The following KCNMA1 variants were observed in gnomAD, a reference collection of about 807,000 sequenced individuals.
KCNMA1 encodes the protein potassium calcium-activated channel subfamily M alpha 1.
A neutral mutation model predicts 140.0 loss-of-function variants in KCNMA1; 29 were observed. The observed-to-expected ratio is 0.21, with a 90% CI of 0.15 to 0.28. The LOEUF is 0.28. Ranked by LOEUF, KCNMA1 falls within the 10% of genes least tolerant of loss-of-function variation. The pLI is 1.00. For synonymous variants in KCNMA1, 612 were observed against 611.9 expected, an observed-to-expected ratio of 1.00 and a Z score of 0.00; for missense variants, 880 against 1,602.2, an observed-to-expected ratio of 0.55 and a Z score of 7.70.
chr10:77,221,509 A>T (rs2049661354), intron 3 of KCNMA1, among the ~76,000 whole-genome samples: 2 of 152,176 alleles, frequency 1.3e-5, no homozygotes. Flanking sequence ...ACTTAATTGT[A>T]CCTTTTAAAA....
intron 5 of KCNMA1, among the ~76,000 whole-genome samples, chr10:77,178,999 A>AT (rs2098779312): frequency 6.6e-6 from 1 of 152,122 alleles, no homozygotes; most frequent in South Asian, 2.1e-4. Context: ...CCGCTGCCTT[A>AT]TTTTTTATTC....
At chr10:77,440,990 TTC>T (rs1479774042) in intron 1 of KCNMA1, among the ~76,000 whole-genome samples, 3 of 145,372 alleles carry the variant, frequency 2.1e-5, no homozygotes, top group African/African-American at 8.4e-5. Context: ...GGCTAATTTT[TTC>T]TGTTTTTTTT....
At chr10:76,933,092 A>G (rs1305219199) in intron 23 of KCNMA1, among the ~76,000 whole-genome samples, 1 of 152,220 alleles carries the variant, frequency 6.6e-6, no homozygotes, top group Non-Finnish European at 1.5e-5. Context: ...AGACAAGTGC[A>G]ACATCTTTGA....
intron 1 of KCNMA1, among the ~76,000 whole-genome samples, chr10:77,629,903 G>A (rs2092987175): frequency 6.6e-6 from 1 of 152,210 alleles, no homozygotes; most frequent in Non-Finnish European, 1.5e-5. Context: ...CACTCATGGT[G>A]CTCCCCTCTG....
chr10:77,465,730 C>G (rs140316905), intron 1 of KCNMA1, among the ~76,000 whole-genome samples: 183 of 152,304 alleles, frequency 1.2e-3, no homozygotes, highest in African/African-American at 4.3e-3. Flanking sequence ...TAGCCTCTCC[C>G]TAGGAATATT....
intron 1 of KCNMA1, among the ~76,000 whole-genome samples, chr10:77,508,773 G>A (rs1397829421): frequency 6.6e-6 from 1 of 151,708 alleles, no homozygotes; most frequent in Non-Finnish European, 1.5e-5. Context: ...TCAACCCATG[G>A]TGAAACCCTG....
At chr10:77,604,753 T>C (rs2083824881) in intron 1 of KCNMA1, among the ~76,000 whole-genome samples, 1 of 151,820 alleles carries the variant, frequency 6.6e-6, no homozygotes, top group Non-Finnish European at 1.5e-5. Flanking sequence ...ACTTATGTCA[T>C]ATCCCATAAA....
At chr10:76,987,787 T>C (rs2081678441) in intron 19 of KCNMA1, among the ~76,000 whole-genome samples, 1 of 108,146 alleles carries the variant, frequency 9.2e-6, no homozygotes, top group South Asian at 3.9e-4. Flanking sequence ...CTAGGGAAAC[T>C]GGTTGAGGCC....
intron 1 of KCNMA1, among the ~76,000 whole-genome samples, chr10:77,450,779 A>T (rs1294875121): frequency 6.6e-6 from 1 of 152,232 alleles, no homozygotes; most frequent in East Asian, 1.9e-4. Context: ...CCAAAGTAGT[A>T]GACCTGAAAT....
chr10:77,183,223 G>A (rs957306301), intron 5 of KCNMA1, among the ~76,000 whole-genome samples, 198 bp downstream of exon 5: 18 of 152,258 alleles, frequency 1.2e-4, no homozygotes, highest in African/African-American at 3.6e-4. Flanking sequence ...TGCCTGAAGC[G>A]CAAACTGTGC....
Position 77,356,027 on chromosome 10 carries a change from G to A in KCNMA1, c.540+47835C>T, listed in dbSNP as rs372039566. Among the ~76,000 whole-genome samples the A allele has an allele frequency of 3.6e-3, 545 of 152,196 alleles. 2 individuals carry two copies. Among genetic ancestry groups the A allele is most frequent in the South Asian group, 0.016 (77 of 4,822 alleles). On this transcript the variant is annotated intron_variant, in intron 2 of 27. Coordinates refer to ENST00000286628, the MANE Select transcript of KCNMA1 (RefSeq NM_001161352.2). ...CTTCTGTCTCCTAGACTACATTTAC[G>A]TAAAATTAATCACTTCCTTCTGTTT...
At chr10:77,280,837 A>G (rs2068295973) in intron 2 of KCNMA1, among the ~76,000 whole-genome samples, 2 of 152,156 alleles carry the variant, frequency 1.3e-5, no homozygotes, top group Admixed American at 1.3e-4. Flanking sequence ...CCTGTCCTCA[A>G]CTGGTTATAA....
chr10:76,915,060 G>A lies in KCNMA1; in HGVS notation c.2903-11C>T, dbSNP rs780203067. On this transcript the variant is annotated splice_polypyrimidine_tract_variant and intron_variant, in intron 23 of 27. Transcript: ENST00000286628. ...CTGGAGGTGTGAACCCTAGTGGGAAGGAAACAGAGGAGGAAGAAAAATCAG... is the reference window on the plus strand; with the variant it reads ...CTGGAGGTGTGAACCCTAGTGGGAAAGAAACAGAGGAGGAAGAAAAATCAG... The A allele has an allele frequency of 1.1e-5, 18 of 1,586,796 alleles. No homozygotes were observed. Among genetic ancestry groups the A allele is most frequent in the Non-Finnish European group, 1.2e-5 (14 of 1,155,706 alleles).
At chr10:77,161,021 G>A (rs547834485) in intron 5 of KCNMA1, among the ~76,000 whole-genome samples, 1 of 152,324 alleles carries the variant, frequency 6.6e-6, no homozygotes, top group Non-Finnish European at 1.5e-5. Flanking sequence ...TCCCTCCAAG[G>A]CTCTTTCATC....
chr10:77,460,006 G>T (rs2097833193), intron 1 of KCNMA1, among the ~76,000 whole-genome samples: 1 of 152,182 alleles, frequency 6.6e-6, no homozygotes, highest in South Asian at 2.1e-4. Flanking sequence ...CTATGGCATT[G>T]CAGGTCACAC....
At chr10:77,607,223 G>A (rs1349158398) in intron 1 of KCNMA1, among the ~76,000 whole-genome samples, 1 of 152,200 alleles carries the variant, frequency 6.6e-6, no homozygotes, top group Non-Finnish European at 1.5e-5. Context: ...GAAAGATTAG[G>A]GCAGGTGAGG....
intron 3 of KCNMA1, among the ~76,000 whole-genome samples, chr10:77,194,846 AAT>A (rs1491227476): frequency 6.6e-6 from 1 of 152,156 alleles, no homozygotes; most frequent in Non-Finnish European, 1.5e-5. Context: ...TGGAAAAAAA[AAT>A]AATTATGTTT....
intron 1 of KCNMA1, among the ~76,000 whole-genome samples, chr10:77,424,506 G>GTTCATTCATTCA (rs3997977): frequency 6.7e-5 from 10 of 150,342 alleles, no homozygotes; most frequent in Non-Finnish European, 5.9e-5. Context: ...GAAGATCTGT[G>GTTCATTCATTCA]TTCATTCATT....
intron 3 of KCNMA1, among the ~76,000 whole-genome samples, chr10:77,229,875 A>C (rs1236272039): frequency 1.3e-5 from 2 of 152,218 alleles, no homozygotes; most frequent in African/African-American, 4.8e-5. Context: ...GCCATTGTGG[A>C]AAATAGTTTA....
Sources: gnomAD v4.1 joint callset for allele counts (sites outside exome capture counted in the v4.1 genomes callset) on GRCh38, gnomAD v4.1.1 for gene constraint, MANE v1.5 for transcripts, NCBI Gene and HGNC (gene_info 2026-07-23, HGNC 2026-07-21) for gene names.